Variants in SLC39A11 observed in about 807,000 individuals in gnomAD.
SLC39A11 encodes the protein zinc transporter ZIP11.
SLC39A11 carries 33 observed loss-of-function variants against 36.1 expected under a neutral mutation model. The observed-to-expected ratio is 0.91, with a 90% CI of 0.69 to 1.22. SLC39A11 has a LOEUF of 1.22. Ranked by LOEUF, SLC39A11 falls within the 50% of genes most tolerant of loss-of-function variation. The pLI is 0.00. For synonymous variants in SLC39A11, 166 were observed against 170.3 expected, an observed-to-expected ratio of 0.97 and a Z score of 0.20; for missense variants, 432 against 430.3, an observed-to-expected ratio of 1.00 and a Z score of -0.03.
intron 7 of SLC39A11, among the ~76,000 whole-genome samples, chr17:72,662,738 AAAAAGAAAAAAAGGAAGGAAAGGAAGG>A (rs1263916794): frequency 6.6e-6 from 1 of 151,466 alleles, no homozygotes; most frequent in East Asian, 1.9e-4. Context: ...GAGAGAAAGA[AAAAAGAAAAAAAGGAAGGAAAGGAAGG>A]AAAAGAAAAG....
At chr17:72,852,228 A>AAAAAAAAAAAAAAAAAAAAAAC (rs1491123331) in intron 5 of SLC39A11, among the ~76,000 whole-genome samples, 10 of 134,912 alleles carry the variant, frequency 7.4e-5, no homozygotes, top group East Asian at 2.2e-4. Context: ...AAAAAAAAAA[A>AAAAAAAAAAAAAAAAAAAAAAC]CAGAAAGAAA....
At chr17:72,676,799 G>A (rs1172024011) in intron 7 of SLC39A11, among the ~76,000 whole-genome samples, 1 of 152,182 alleles carries the variant, frequency 6.6e-6, no homozygotes, top group Admixed American at 6.6e-5. Flanking sequence ...GTGCCTATGT[G>A]ACCAGTACCC....
At chr17:72,671,826 T>C (rs1202721566) in intron 7 of SLC39A11, among the ~76,000 whole-genome samples, 1 of 152,136 alleles carries the variant, frequency 6.6e-6, no homozygotes, top group African/African-American at 2.4e-5. Context: ...AAAAGCTGCA[T>C]TAATAGAAAT....
chr17:73,081,044 T>C (rs1278114691), intron 3 of SLC39A11, among the ~76,000 whole-genome samples: 1 of 149,922 alleles, frequency 6.7e-6, no homozygotes, highest in East Asian at 1.9e-4. Context: ...ACCCACAGAG[T>C]GGGAGAAAAC....
chr17:72,944,842 G>A (rs1305130192), intron 5 of SLC39A11, among the ~76,000 whole-genome samples: 6 of 152,134 alleles, frequency 3.9e-5, no homozygotes, highest in Non-Finnish European at 8.8e-5. Flanking sequence ...CAAGGGTACC[G>A]TTAAGTGCAA....
At chr17:72,680,979 T>C (rs1206511175) in intron 7 of SLC39A11, among the ~76,000 whole-genome samples, 1 of 152,214 alleles carries the variant, frequency 6.6e-6, no homozygotes, top group Admixed American at 6.5e-5. Context: ...TCCCACTCTG[T>C]TGCCCAGGCT....
intron 6 of SLC39A11, among the ~76,000 whole-genome samples, chr17:72,780,623 C>T (rs1019439048): frequency 3.3e-5 from 5 of 151,994 alleles, no homozygotes; most frequent in African/African-American, 1.2e-4. Context: ...TCCATGTAGA[C>T]CATAACTGCT....
intron 3 of SLC39A11, among the ~76,000 whole-genome samples, chr17:73,041,312 G>A (rs1021286158): frequency 6.6e-6 from 1 of 152,190 alleles, no homozygotes; most frequent in African/African-American, 2.4e-5. Flanking sequence ...GCAGGTAATC[G>A]CTGATGGATG....
chr17:73,013,122 T>TCA, intron 4 of SLC39A11, among the ~76,000 whole-genome samples: 1 of 151,628 alleles, frequency 6.6e-6, no homozygotes, highest in Non-Finnish European at 1.5e-5. Context: ...TTTGAGACAG[T>TCA]CTTGCTGTCA....
At chr17:72,962,218 T>C (rs906174658) in intron 4 of SLC39A11, among the ~76,000 whole-genome samples, 2 of 152,164 alleles carry the variant, frequency 1.3e-5, no homozygotes, top group African/African-American at 2.4e-5. Context: ...CTGGATAAGA[T>C]TGTCACTGCT....
At position 72,647,589 on chromosome 17, in the gene SLC39A11, C is replaced by T. The variant is rs1368620178; in HGVS notation, c.1003G>A (p.Gly335Ser). ...VVMMSLDVGL[G>S] ...GGGTCCGAAGCGTCTCAGCCCTAGC[C>T]CAGGCCAACGTCCAGTGACATCATC... Residue 335 changes from glycine to serine, a missense_variant, in exon 10 of 10, where the codon GGC (glycine) becomes AGC (serine). Coordinates refer to ENST00000255559, the MANE Select transcript of SLC39A11 (RefSeq NM_139177.4). 2.5e-6 allele frequency: 4 copies of T among 1,613,730 alleles called. No homozygotes were observed. In the South Asian group the frequency reaches 4.4e-5, roughly 18 times the overall value.
chr17:72,981,896 A>G (rs552652546), intron 4 of SLC39A11, among the ~76,000 whole-genome samples: 3 of 152,284 alleles, frequency 2.0e-5, no homozygotes, highest in Admixed American at 2.0e-4. Context: ...CTTCACAGAA[A>G]GGGAAATACA....
chr17:72,662,308 GAAAGA>G (rs1174328435), intron 7 of SLC39A11, among the ~76,000 whole-genome samples: 2 of 138,076 alleles, frequency 1.4e-5, no homozygotes, highest in Admixed American at 7.7e-5. Context: ...AGGAAAGGAA[GAAAGA>G]AAAGAGGAAA....
At chr17:72,854,663 C>A (rs1273544356) in intron 5 of SLC39A11, among the ~76,000 whole-genome samples, 1 of 152,132 alleles carries the variant, frequency 6.6e-6, no homozygotes, top group Non-Finnish European at 1.5e-5. Flanking sequence ...AGTTGCCCAT[C>A]ATTAAAATTT....
At chr17:72,667,292 C>T (rs1567923783) in intron 7 of SLC39A11, among the ~76,000 whole-genome samples, 1 of 152,200 alleles carries the variant, frequency 6.6e-6, no homozygotes, top group Non-Finnish European at 1.5e-5. Context: ...GAGACTCCTG[C>T]TGTTACCCTG....
intron 4 of SLC39A11, among the ~76,000 whole-genome samples, chr17:73,024,071 C>A (rs2058449378): frequency 6.6e-6 from 1 of 152,166 alleles, no homozygotes; most frequent in African/African-American, 2.4e-5. Context: ...TATGGCAGCC[C>A]CAGCGAAATA....
intron 6 of SLC39A11, among the ~76,000 whole-genome samples, chr17:72,811,434 T>C (rs2077432360): frequency 2.0e-5 from 3 of 152,232 alleles, no homozygotes; most frequent in Non-Finnish European, 4.4e-5. Context: ...TTTATAATTT[T>C]AAAGCTTTGT....
intron 5 of SLC39A11, among the ~76,000 whole-genome samples, chr17:72,944,662 A>G (rs1311927964): frequency 6.6e-6 from 1 of 152,216 alleles, no homozygotes; most frequent in East Asian, 1.9e-4. Flanking sequence ...TTTACTCAAC[A>G]ATATAACTGT....
intron 6 of SLC39A11, among the ~76,000 whole-genome samples, chr17:72,820,689 G>A (rs1036144742): frequency 6.6e-6 from 1 of 151,310 alleles, no homozygotes; most frequent in Non-Finnish European, 1.5e-5. Flanking sequence ...AACGATGGAC[G>A]CTATGCAGGC....
Sources: allele counts gnomAD v4.1 joint callset (sites outside exome capture counted in the v4.1 genomes callset), GRCh38; gene constraint gnomAD v4.1.1; transcripts MANE v1.5; gene names NCBI Gene and HGNC (gene_info 2026-07-23, HGNC 2026-07-21).